Variants in NATD1 observed in about 807,000 individuals in gnomAD.
The protein encoded by NATD1 is protein NATD1.
In NATD1, 9 loss-of-function variants were observed where a neutral mutation model predicts 12.0. That is an observed-to-expected ratio of 0.75 (90% CI 0.45 to 1.30). The LOEUF (loss-of-function observed/expected upper bound fraction) is 1.30, where lower values mean the gene tolerates loss of function less well. Among genes scored for constraint, NATD1 ranks in the 50% most tolerant of loss-of-function variants. The probability of loss-of-function intolerance (pLI) is 0.00; values close to 1 mark genes in which losing one functional copy is unlikely to be tolerated. For synonymous variants in NATD1, 71 were observed against 65.9 expected, an observed-to-expected ratio of 1.08 and a Z score of -0.37; for missense variants, 148 against 148.5, an observed-to-expected ratio of 1.00 and a Z score of 0.02.
At chr17:21,246,778 C>T (rs1348644320) in intron 1 of NATD1, among the ~76,000 whole-genome samples, 1 of 152,114 alleles carries the variant, frequency 6.6e-6, no homozygotes, top group Non-Finnish European at 1.5e-5. Flanking sequence ...TGGGGAGGGG[C>T]AGGGCTGCCA....
chr17:21,253,217 G>T lies in NATD1; in HGVS notation c.48C>A (p.Gly16=). 1 of 1,006,312 alleles carries T rather than the reference G, an allele frequency of 9.9e-7. No individual in the cohort carries two copies. 62.3% of individuals were successfully genotyped at this position (1,006,312 alleles called of 1,614,324 possible). Residue 16 remains glycine (G), a synonymous_variant, in exon 1 of 3, where the codon GGC becomes GGA. Transcript: ENST00000611551. ...GGTCGTGCTCCACGCGGATGGGGCA[G>T]CCCTGCTCCAGCGCGCCCAGCGGCA... ...AAVPLGALEQ[G]CPIRVEHDRR...
chr17:21,248,397 C>A (rs982174331), intron 1 of NATD1, among the ~76,000 whole-genome samples: 1 of 152,192 alleles, frequency 6.6e-6, no homozygotes, highest in East Asian at 1.9e-4. Context: ...TCGGCAGGAC[C>A]GTGGACATGG....
chr17:21,248,902 T>C (rs1357977158), intron 1 of NATD1, among the ~76,000 whole-genome samples: 2 of 152,066 alleles, frequency 1.3e-5, no homozygotes, highest in Non-Finnish European at 2.9e-5. Flanking sequence ...GGATGATCAC[T>C]ACCACCCTCC....
chr17:21,253,054 G>A (rs1259838958), intron 1 of NATD1, 105 bp downstream of exon 1: 1 of 516,876 alleles, frequency 1.9e-6, no homozygotes, highest in African/African-American at 2.1e-5. Context: ...GCGGGCCGGA[G>A]CCGGGCCGCG....
rs557581224 is a variant in NATD1, at chr17:21,252,377, C to T, written c.106+782G>A. 3.3e-5 allele frequency among the ~76,000 whole-genome samples: 5 copies of T among 152,302 alleles called. No individual in the cohort carries two copies. In the South Asian group the frequency reaches 8.3e-4, roughly 25 times the overall value. On this transcript the variant is annotated intron_variant, in intron 1 of 2. Coordinates refer to ENST00000611551, the MANE Select transcript of NATD1 (RefSeq NM_152914.3). ...GCTTTCTGGCTTCACGAATCACGAT[C>T]GGGCCACGTTTACCAGCACTTACTA...
rs530409981 is a variant in NATD1 at position 21,241,864 on chromosome 17, G to C, written c.*1449C>G. ...GGAATGTGGGGGGTCTCGGTGCCAA[G>C]ACTGGGGATAGCAAGGAGGTGAGTG... On this transcript the variant is annotated 3_prime_UTR_variant, in exon 3 of 3. Transcript: ENST00000611551. 8 of 152,574 alleles carry C rather than the reference G, an allele frequency of 5.2e-5. No homozygotes were observed. The highest frequency in any genetic ancestry group is 4.6e-4 in the Admixed American group (7 of 15,282). The allele number at this position is 152,574 out of a possible 1,614,324, so 9.5% of individuals were successfully genotyped here. A position where few individuals can be genotyped will look rare whatever the true frequency, so the allele number is the denominator to read the frequency against.
chr17:21,241,482 A>T lies in NATD1; in HGVS notation c.*1831T>A, dbSNP rs1186491207. 1 of 152,568 alleles carries T rather than the reference A, an allele frequency of 6.6e-6. No individual in the cohort carries two copies. Among genetic ancestry groups the T allele is most frequent in the Admixed American group, 6.5e-5 (1 of 15,284 alleles). 9.5% of individuals were successfully genotyped at this position (152,568 alleles called of 1,614,324 possible). A position where few individuals can be genotyped will look rare whatever the true frequency, so the allele number is the denominator to read the frequency against. On this transcript the variant is annotated 3_prime_UTR_variant, in exon 3 of 3. Coordinates refer to ENST00000611551, the MANE Select transcript of NATD1 (RefSeq NM_152914.3). ...TGTGCCTACAACCTGCTCTTTCCTTAAATTCTGCCAGCAATGGGCCACCCC... is the reference window on the plus strand; with the variant it reads ...TGTGCCTACAACCTGCTCTTTCCTTTAATTCTGCCAGCAATGGGCCACCCC...
chr17:21,249,984 A>C lies in NATD1; in HGVS notation c.106+3175T>G, dbSNP rs766773160. On this transcript the variant is annotated intron_variant, in intron 1 of 2. Coordinates refer to ENST00000611551, the MANE Select transcript of NATD1 (RefSeq NM_152914.3). The stretch of plus-strand genomic sequence containing the variant: ...TTCCTTCCACATCTGTCCAGGATCT[A>C]GACGTTTCTCCCACGCCTGTTTGCA... Among the ~76,000 whole-genome samples the C allele has an allele frequency of 2.0e-5, 3 of 152,214 alleles. No homozygotes were observed. The East Asian group carries it at 5.8e-4, about 29-fold the overall frequency.
At chr17:21,251,675 G>C (rs1158711208) in intron 1 of NATD1, among the ~76,000 whole-genome samples, 1 of 152,232 alleles carries the variant, frequency 6.6e-6, no homozygotes, top group African/African-American at 2.4e-5. Flanking sequence ...AGTGGGGCCT[G>C]GCTCGACACT....
intron 2 of NATD1, 109 bp from the exon 3 acceptor site, chr17:21,243,538 C>A: frequency 1.3e-6 from 1 of 777,266 alleles, no homozygotes. Context: ...TTCCACTTTG[C>A]CCAGGTCAGT....
At chr17:21,250,243 T>C (rs1379067666) in intron 1 of NATD1, among the ~76,000 whole-genome samples, 1 of 152,242 alleles carries the variant, frequency 6.6e-6, no homozygotes, top group African/African-American at 2.4e-5. Flanking sequence ...TCGCAGGCAC[T>C]GCAGAGCCTT....
Position 21,253,159 on chromosome 17 carries a change from C to A in NATD1, c.106G>T (p.Gly36Ter). ...TCGGGGCGGGCCGGGGCCGCCTTAC[C>A]GTTGAGCCGGACAGTGAACTGGCGG... ...RRRQFTVRLN[G>*]CHDRAVLLYE... Residue 36 changes from glycine to a stop codon, truncating the protein, a stop_gained and splice_region_variant, in exon 1 of 3, where the codon GGA becomes TGA. Transcript: ENST00000611551. LOFTEE classifies it high-confidence loss of function. 2.0e-6 allele frequency: 2 copies of A among 1,019,160 alleles called. No homozygotes were observed. Among genetic ancestry groups the A allele is most frequent in the Non-Finnish European group, 2.3e-6 (2 of 853,346 alleles). 63.1% of individuals were successfully genotyped at this position (1,019,160 alleles called of 1,614,324 possible).
intron 1 of NATD1, among the ~76,000 whole-genome samples, chr17:21,246,980 G>C (rs1004535271): frequency 6.6e-6 from 1 of 152,182 alleles, no homozygotes; most frequent in African/African-American, 2.4e-5. Flanking sequence ...AGACCACACA[G>C]GGCCCTGCAA....
chr17:21,251,860 T>C (rs915862261), intron 1 of NATD1, among the ~76,000 whole-genome samples: 1 of 152,212 alleles, frequency 6.6e-6, no homozygotes, highest in African/African-American at 2.4e-5. Flanking sequence ...GCCCTCCACC[T>C]TCCCTTCTTG....
At position 21,239,719 on chromosome 17, in the gene NATD1, G is replaced by A. The variant is rs1597782574; in HGVS notation, c.*3594C>T. 2.0e-5 allele frequency: 3 copies of A among 152,386 alleles called. No individual in the cohort carries two copies. Among genetic ancestry groups the A allele is most frequent in the Admixed American group, 2.0e-4 (3 of 15,300 alleles). 9.4% of individuals were successfully genotyped at this position (152,386 alleles called of 1,614,324 possible). A position where few individuals can be genotyped will look rare whatever the true frequency, so the allele number is the denominator to read the frequency against. ...GCAGGAGAATTGCTTGACCCGGGAG[G>A]TGGAGGTTGCAGTGAGCTGAGATCG... On this transcript the variant is annotated 3_prime_UTR_variant, in exon 3 of 3. Transcript: ENST00000611551.
rs547724021 is a variant in NATD1 at position 21,244,137 on chromosome 17, C to T, written c.194G>A (p.Arg65His). ...AAGGTGCTTGGCGATGCCACGCCCA[C>T]GGTAGGCATCTGGGACCTCGGTGTG... ...LQHTEVPDAY[R>H]GRGIAKHLAK... The change falls in exon 2 of 3, where the codon CGT (arginine) becomes CAT (histidine). Residue 65 changes from arginine to histidine, a missense_variant. Physicochemically the swap from Arg to His is conservative, Grantham distance 29. Transcript: ENST00000611551. The surrounding 1 kb of genome is among the most constrained non-coding windows in gnomAD (Gnocchi z 5.2). 1.4e-5 allele frequency: 22 copies of T among 1,612,948 alleles called. No homozygotes were observed. The East Asian group carries it at 1.6e-4, about 11-fold the overall frequency.
In NATD1 at chr17:21,243,250, T is replaced by C. The variant is rs1017592769; in HGVS notation, c.*63A>G. 2.2e-6 allele frequency: 3 copies of C among 1,359,578 alleles called. No individual in the cohort carries two copies. The highest frequency in any genetic ancestry group is 2.9e-5 in the African/African-American group (2 of 69,232). 84.2% of individuals were successfully genotyped at this position (1,359,578 alleles called of 1,614,324 possible). The stretch of plus-strand genomic sequence containing the variant: ...GTGGGACCAGGTTCCTGAGAGCACG[T>C]GGGGCCAGGCAAAGGCCACGTGGAA... On this transcript the variant is annotated 3_prime_UTR_variant, in exon 3 of 3. Coordinates refer to ENST00000611551, the MANE Select transcript of NATD1 (RefSeq NM_152914.3).
At chr17:21,249,079 G>A (rs949221107) in intron 1 of NATD1, among the ~76,000 whole-genome samples, 3 of 152,100 alleles carry the variant, frequency 2.0e-5, no homozygotes, top group African/African-American at 7.2e-5. Context: ...CAGGGGAGGC[G>A]ATCACAGAGA....
intron 1 of NATD1, among the ~76,000 whole-genome samples, chr17:21,252,397 T>C (rs1975385057): frequency 6.6e-6 from 1 of 152,212 alleles, no homozygotes; most frequent in South Asian, 2.1e-4. Context: ...TTACCAGCAC[T>C]TACTAATCCC....
Sources: allele counts gnomAD v4.1 joint callset (sites outside exome capture counted in the v4.1 genomes callset), GRCh38; gene constraint gnomAD v4.1.1; non-coding constraint Gnocchi (gnomAD v3.1); transcripts MANE v1.5; gene names NCBI Gene and HGNC (gene_info 2026-07-23, HGNC 2026-07-21).